The following RNF19A variants were observed in gnomAD, a reference collection of about 807,000 sequenced individuals.
RNF19A encodes the protein ring finger protein 19A, RBR E3 ubiquitin protein ligase.
RNF19A carries 32 observed loss-of-function variants against 75.7 expected under a neutral mutation model. The ratio of observed to expected loss-of-function variants is 0.42; its 90% CI spans 0.32 to 0.57. The LOEUF is 0.57. RNF19A is among the 20% of genes least tolerant of loss of function. The pLI is 0.10. For missense variants in RNF19A, 782 were observed against 1,036.3 expected, an observed-to-expected ratio of 0.75 and a Z score of 3.37; for synonymous variants, 335 against 345.2, an observed-to-expected ratio of 0.97 and a Z score of 0.33.
At chr8:100,318,891 C>T (rs147645049) in intron 1 of RNF19A, among the ~76,000 whole-genome samples, 80 of 152,290 alleles carry the variant, frequency 5.3e-4, no homozygotes, top group African/African-American at 1.8e-3. Context: ...TGGGAATGCA[C>T]AGTCCAGATG....
rs868357006 is a variant in RNF19A, at chr8:100,259,084, C to T, written c.1989G>A (p.Trp663Ter). The change falls in exon 10 of 10, where the codon TGG becomes TGA. Residue 663 changes from tryptophan (W) to a stop codon, truncating the protein, a stop_gained. Transcript: ENST00000341084. LOFTEE classifies it high-confidence loss of function. The surrounding 1 kb of genome is among the most constrained non-coding windows in gnomAD (Gnocchi z 4.5). Reference protein sequence around the residue: ...LPEGKSSATKWSKEATAGKKS... With the variant: ...LPEGKSSATK ...TTTTCCCTGCTGTTGCTTCTTTGGA[C>T]CACTTGGTGGCACTAGATTTACCTT... The T allele has an allele frequency of 3.1e-6, 5 of 1,614,068 alleles. No homozygotes were observed. Among genetic ancestry groups the T allele is most frequent in the Non-Finnish European group, 4.2e-6 (5 of 1,180,012 alleles).
chr8:100,311,500 C>T (rs977504215), upstream of RNF19A, among the ~76,000 whole-genome samples: 8 of 151,944 alleles, frequency 5.3e-5, no homozygotes, highest in Non-Finnish European at 1.0e-4. Flanking sequence ...GGGCGGATCA[C>T]GAGGTCAGGA....
At chr8:100,295,598 T>A (rs566290512) in intron 1 of RNF19A, among the ~76,000 whole-genome samples, 1 of 152,328 alleles carries the variant, frequency 6.6e-6, no homozygotes, top group East Asian at 1.9e-4. Flanking sequence ...TTGTGCAGCA[T>A]TTACTATATG....
At chr8:100,272,206 G>A (rs1301130395) in intron 3 of RNF19A, among the ~76,000 whole-genome samples, 1 of 152,070 alleles carries the variant, frequency 6.6e-6, no homozygotes, top group Non-Finnish European at 1.5e-5. Context: ...AACTCCAAGT[G>A]CCTAAACCTC....
At chr8:100,294,744 A>G (rs1350870645) in intron 1 of RNF19A, among the ~76,000 whole-genome samples, 3 of 152,186 alleles carry the variant, frequency 2.0e-5, no homozygotes, top group Non-Finnish European at 4.4e-5. Context: ...TTTGAGATAC[A>G]GTATTCTTGA....
Position 100,260,951 on chromosome 8 carries a change from A to G in RNF19A, c.1682+591T>C, listed in dbSNP as rs1465656144. Among the ~76,000 whole-genome samples, 2 of 152,198 alleles carry G rather than the reference A, an allele frequency of 1.3e-5. No homozygotes were observed. Among genetic ancestry groups the G allele is most frequent in the Non-Finnish European group, 2.9e-5 (2 of 68,036 alleles). On this transcript the variant is annotated intron_variant, in intron 8 of 9. Transcript: ENST00000341084. This position sits in a 1 kb window ranked among gnomAD's most constrained non-coding sequence, Gnocchi z 4.1. ...TCCTAATATCTGGCTGTTGTTACCC[A>G]CAGAGGTAAGATCTAGGCTTAAGTA...
chr8:100,267,347 A>C (rs1820031772), intron 5 of RNF19A, among the ~76,000 whole-genome samples: 1 of 152,102 alleles, frequency 6.6e-6, no homozygotes, highest in African/African-American at 2.4e-5. Context: ...TACAACACCT[A>C]TGACACAGTA....
rs1820437660 is a variant in RNF19A at position 100,275,030 on chromosome 8, T to C, written c.806A>G (p.Gln269Arg). ...HPNQTCDAAR[Q>R]ERAQSLRLRT... ...CAAACGTAAGCTCTGGGCTCTCTCT[T>C]GTCGAGCAGCATCACAGGTCTGGTT... The change falls in exon 3 of 10, where the codon CAA becomes CGA. Residue 269 changes from glutamine (Q) to arginine (R), a missense_variant. By Grantham distance (43) the Gln-to-Arg change is conservative. This residue lies in a region of RNF19A where 34 missense variants were observed against 25.2 expected (regional missense o/e 1.35). Transcript: ENST00000341084. This position sits in a 1 kb window ranked among gnomAD's most constrained non-coding sequence, Gnocchi z 4.3. 12 of 1,614,068 alleles carry C rather than the reference T, an allele frequency of 7.4e-6. No homozygotes were observed. Among genetic ancestry groups the C allele is most frequent in the Non-Finnish European group, 8.5e-6 (10 of 1,180,034 alleles).
At chr8:100,316,297 A>G (rs1180941554) in intron 1 of RNF19A, among the ~76,000 whole-genome samples, 2 of 152,118 alleles carry the variant, frequency 1.3e-5, no homozygotes, top group Non-Finnish European at 2.9e-5. Context: ...GAGCAGTAGC[A>G]AGATTTACTG....
upstream of RNF19A, among the ~76,000 whole-genome samples, chr8:100,311,060 T>C (rs1484179778): frequency 6.6e-6 from 1 of 152,248 alleles, no homozygotes; most frequent in Non-Finnish European, 1.5e-5. Context: ...TTGCCATCTG[T>C]TACTTAACTA....
Position 100,287,545 on chromosome 8 carries a change from A to G in RNF19A, c.630T>C (p.Leu210=), listed in dbSNP as rs1821080952. 1.2e-6 allele frequency: 2 copies of G among 1,614,060 alleles called. No homozygotes were observed. Among genetic ancestry groups the G allele is most frequent in the Non-Finnish European group, 8.5e-7 (1 of 1,179,930 alleles). The change falls in exon 2 of 10, where the codon CTT becomes CTC. Residue 210 remains leucine (L), a synonymous_variant. Coordinates refer to ENST00000341084, the MANE Select transcript of RNF19A (RefSeq NM_183419.4). The surrounding 1 kb of genome is among the most constrained non-coding windows in gnomAD (Gnocchi z 4.1). ...KYEEFMLRRW[L]VADPDCRWCP... Reference sequence around the variant, plus strand: ...ACCACCTACAATCAGGATCTGCAACAAGCCACCGTCTAAGCATAAATTCTT... The same window carrying G: ...ACCACCTACAATCAGGATCTGCAACGAGCCACCGTCTAAGCATAAATTCTT...
At chr8:100,308,051 G>C (rs894292490) in intron 1 of RNF19A, among the ~76,000 whole-genome samples, 3 of 152,068 alleles carry the variant, frequency 2.0e-5, no homozygotes, top group African/African-American at 7.2e-5. Context: ...AAAATTTCCA[G>C]TGGCCACTAT....
chr8:100,259,018 C>G lies in RNF19A; in HGVS notation c.2055G>C (p.Lys685Asn), dbSNP rs762114396. 8 of 1,614,182 alleles carry G rather than the reference C, an allele frequency of 5.0e-6. No homozygotes were observed. The highest frequency in any genetic ancestry group is 6.8e-6 in the Non-Finnish European group (8 of 1,180,028). ...SGKLRKKGNM[K>N]INETREDMDA... ...CCATGTCCTCTCTCGTCTCATTTAT[C>G]TTCATGTTACCCTTTTTCCTCAGTT... The change falls in exon 10 of 10, where the codon AAG becomes AAC. Residue 685 changes from lysine (K) to asparagine (N), a missense_variant. This residue lies in a region of RNF19A where 442 missense variants were observed against 541.6 expected (regional missense o/e 0.82). Coordinates refer to ENST00000341084, the MANE Select transcript of RNF19A (RefSeq NM_183419.4). The surrounding 1 kb of genome is among the most constrained non-coding windows in gnomAD (Gnocchi z 4.5).
upstream of RNF19A, among the ~76,000 whole-genome samples, chr8:100,313,902 C>CTTTTTTTTTTTTTTTTT (rs371385291): frequency 2.8e-4 from 37 of 132,616 alleles, 1 homozygote; most frequent in East Asian, 4.5e-4. Context: ...AAGAGAACTA[C>CTTTTTTTTTTTTTTTTT]TTTTTTTTTG....
chr8:100,297,622 T>C (rs1433324508), intron 1 of RNF19A, among the ~76,000 whole-genome samples: 1 of 152,200 alleles, frequency 6.6e-6, no homozygotes, highest in Admixed American at 6.5e-5. Context: ...AATGACTGGC[T>C]GAATGGAGTA....
upstream of RNF19A, chr8:100,310,163 G>T (rs1822247074): frequency 1.0e-6 from 1 of 982,856 alleles, no homozygotes; most frequent in Non-Finnish European, 1.2e-6. Context: ...TCCCGCCCCC[G>T]GCCGCCCCGC....
intron 3 of RNF19A, among the ~76,000 whole-genome samples, chr8:100,270,874 G>A (rs1820224099): frequency 6.6e-6 from 1 of 152,122 alleles, no homozygotes; most frequent in Non-Finnish European, 1.5e-5. Context: ...TTAAAATCAA[G>A]TGTAACATAA....
chr8:100,273,115 C>T (rs149492589), intron 3 of RNF19A, among the ~76,000 whole-genome samples: 41 of 152,258 alleles, frequency 2.7e-4, no homozygotes, highest in Middle Eastern at 3.4e-3. Flanking sequence ...GATCCTCCTG[C>T]CTTGGCCTCC....
At chr8:100,313,377 A>G (rs1822328933), upstream of RNF19A, 1 of 950,802 alleles carries the variant, frequency 1.1e-6, no homozygotes, top group South Asian at 4.8e-5. Context: ...TGGATTCTAT[A>G]AGACAAGAAG....
Sources: allele counts gnomAD v4.1 joint callset (sites outside exome capture counted in the v4.1 genomes callset), GRCh38; gene constraint gnomAD v4.1.1; regional missense constraint gnomAD v4.1.1; non-coding constraint Gnocchi (gnomAD v3.1); transcripts MANE v1.5; gene names NCBI Gene and HGNC (gene_info 2026-07-23, HGNC 2026-07-21).